The following CNTNAP2 variants were observed in gnomAD, a reference collection of about 807,000 sequenced individuals.
CNTNAP2 encodes contactin associated protein 2.
A neutral mutation model predicts 155.2 loss-of-function variants in CNTNAP2; 98 were observed. That is an observed-to-expected ratio of 0.63 (90% confidence interval 0.54 to 0.75). The LOEUF (loss-of-function observed/expected upper bound fraction) is 0.75, where lower values mean the gene tolerates loss of function less well. Ranked by LOEUF, CNTNAP2 falls within the 30% of genes least tolerant of loss-of-function variation. The pLI is 0.00. For missense variants in CNTNAP2, 1,727 were observed against 1,688.1 expected (o/e 1.02, Z -0.40); for synonymous variants, 651 against 631.2 (o/e 1.03, Z -0.47).
chr7:147,370,061 T>A (rs538744285), intron 9 of CNTNAP2, among the ~76,000 whole-genome samples: 1 of 152,290 alleles, frequency 6.6e-6, no homozygotes, highest in African/African-American at 2.4e-5. Flanking sequence ...CACAGTAACA[T>A]CTTCCGTATT....
At chr7:147,487,876 A>T (rs2116642151) in intron 11 of CNTNAP2, among the ~76,000 whole-genome samples, 1 of 152,206 alleles carries the variant, frequency 6.6e-6, no homozygotes. Flanking sequence ...GCTCCTTCCT[A>T]CTTGTTCCTT....
intron 21 of CNTNAP2, among the ~76,000 whole-genome samples, chr7:148,366,229 G>T (rs28653073): frequency 0.018 from 1,080 of 60,166 alleles, 448 homozygotes; most frequent in African/African-American, 0.036. Flanking sequence ...CATGTATATA[G>T]GTGTATATGT....
intron 1 of CNTNAP2, among the ~76,000 whole-genome samples, chr7:146,446,156 G>T (rs1427773694): frequency 6.6e-6 from 1 of 152,110 alleles, no homozygotes; most frequent in Non-Finnish European, 1.5e-5. Context: ...AAATCAAGAG[G>T]CTACATAAAT....
chr7:147,782,326 G>T (rs925044517), intron 13 of CNTNAP2, among the ~76,000 whole-genome samples: 6 of 152,236 alleles, frequency 3.9e-5, no homozygotes, highest in African/African-American at 1.4e-4. Context: ...AATGTGAAAA[G>T]TATGTCTTGC....
intron 1 of CNTNAP2, among the ~76,000 whole-genome samples, chr7:146,665,783 T>TAAAAAAACAAAAAAACAAAAAAAAA (rs1554464843): frequency 4.1e-5 from 2 of 48,282 alleles, no homozygotes; most frequent in African/African-American, 1.1e-4. Flanking sequence ...TCTGTCTCAT[T>TAAAAAAACAAAAAAACAAAAAAAAA]AAAAAAAAAA....
chr7:146,499,049 T>C (rs2129132778), intron 1 of CNTNAP2, among the ~76,000 whole-genome samples: 1 of 152,368 alleles, frequency 6.6e-6, no homozygotes, highest in African/African-American at 2.4e-5. Context: ...TGGCTGTGAC[T>C]TCTTCATACT....
At chr7:148,273,913 T>A (rs1335794390) in intron 21 of CNTNAP2, among the ~76,000 whole-genome samples, 2 of 152,172 alleles carry the variant, frequency 1.3e-5, no homozygotes, top group Non-Finnish European at 2.9e-5. Context: ...AAAAGTCTTA[T>A]TCTAAGGCTT....
At chr7:147,470,300 G>GATA (rs1798194130) in intron 10 of CNTNAP2, among the ~76,000 whole-genome samples, 1 of 151,882 alleles carries the variant, frequency 6.6e-6, no homozygotes, top group Non-Finnish European at 1.5e-5. Flanking sequence ...TGGTAGCTAT[G>GATA]GTAGTGTCTT....
At chr7:147,976,722 G>A (rs989351297) in intron 14 of CNTNAP2, among the ~76,000 whole-genome samples, 2 of 152,096 alleles carry the variant, frequency 1.3e-5, no homozygotes, top group African/African-American at 4.8e-5. Flanking sequence ...ACACTGCATA[G>A]CATTTTCAAG....
intron 3 of CNTNAP2, among the ~76,000 whole-genome samples, chr7:146,930,205 T>A (rs1326314295): frequency 6.6e-6 from 1 of 152,080 alleles, no homozygotes; most frequent in Non-Finnish European, 1.5e-5. Context: ...CGGGTTACCC[T>A]CAAAGGGAAG....
chr7:147,121,034 G>C lies in CNTNAP2; in HGVS notation c.810G>C (p.Leu270Phe). The change falls in exon 6 of 24, where the codon TTG becomes TTC. Residue 270 changes from leucine to phenylalanine, a missense_variant. By Grantham distance (22) the Leu-to-Phe change is conservative. Transcript: ENST00000361727. ...YGHTSVMTGS[L>F]LDDHHWHSVV... ...ACACATCAGTGATGACAGGAAGTTT[G>C]CTGGATGACCACCACTGGCACTCTG... 1 of 1,614,058 alleles carries C rather than the reference G, an allele frequency of 6.2e-7. No individual in the cohort carries two copies. Among genetic ancestry groups the C allele is most frequent in the Non-Finnish European group, 8.5e-7 (1 of 1,180,006 alleles).
intron 5 of CNTNAP2, among the ~76,000 whole-genome samples, chr7:147,113,938 G>A (rs1800934641): frequency 6.6e-6 from 1 of 151,982 alleles, no homozygotes; most frequent in Non-Finnish European, 1.5e-5. Context: ...CTAGCTGTTT[G>A]ATGTGGGCAT....
At chr7:147,905,383 AAG>A (rs1799941869) in intron 14 of CNTNAP2, among the ~76,000 whole-genome samples, 1 of 152,212 alleles carries the variant, frequency 6.6e-6, no homozygotes. Context: ...GGGATTCAGA[AAG>A]AGTAAGATCT....
chr7:148,086,144 G>A (rs942263261), intron 15 of CNTNAP2, among the ~76,000 whole-genome samples: 5 of 152,160 alleles, frequency 3.3e-5, no homozygotes, highest in African/African-American at 1.2e-4. Context: ...CAATTACTTG[G>A]TGTGTTGAGG....
intron 11 of CNTNAP2, among the ~76,000 whole-genome samples, chr7:147,488,091 G>A (rs1164247409): frequency 6.6e-6 from 1 of 152,054 alleles, no homozygotes; most frequent in East Asian, 1.9e-4. Flanking sequence ...GCTTATTGAA[G>A]GCCATTTGCC....
intron 3 of CNTNAP2, among the ~76,000 whole-genome samples, chr7:146,938,034 A>C (rs1047615510): frequency 3.9e-5 from 6 of 152,208 alleles, no homozygotes; most frequent in South Asian, 2.1e-4. Context: ...TGTAACAGTC[A>C]TGAGGTCGTT....
intron 11 of CNTNAP2, among the ~76,000 whole-genome samples, chr7:147,521,301 G>A (rs1179992713): frequency 6.6e-6 from 1 of 151,990 alleles, no homozygotes; most frequent in Admixed American, 6.6e-5. Context: ...GTAATTATCG[G>A]GAACCAAAGA....
chr7:146,574,873 T>C (rs1323784767), intron 1 of CNTNAP2, among the ~76,000 whole-genome samples: 1 of 152,166 alleles, frequency 6.6e-6, no homozygotes, highest in Non-Finnish European at 1.5e-5. Context: ...ATTGCTAGAC[T>C]TTTATCCCCA....
chr7:147,384,824 G>A (rs1337099656), intron 9 of CNTNAP2, among the ~76,000 whole-genome samples: 2 of 152,128 alleles, frequency 1.3e-5, no homozygotes, highest in Non-Finnish European at 2.9e-5. Flanking sequence ...GGATAAAAAG[G>A]CCACTACTGT....
Sources: gnomAD v4.1 joint callset for allele counts (sites outside exome capture counted in the v4.1 genomes callset) on GRCh38, gnomAD v4.1.1 for gene constraint, MANE v1.5 for transcripts, NCBI Gene and HGNC (gene_info 2026-07-23, HGNC 2026-07-21) for gene names.